CRADD: variants seen among roughly 807,000 people sequenced by gnomAD.
CRADD encodes death domain-containing protein CRADD.
Under a neutral mutation model 15.5 loss-of-function variants are expected in CRADD, and 9 were observed. The ratio of observed to expected loss-of-function variants is 0.58; its 90% confidence interval spans 0.35 to 1.01. CRADD has a LOEUF of 1.01. Ranked by LOEUF, CRADD falls within the 50% of genes least tolerant of loss-of-function variation. The probability of loss-of-function intolerance (pLI) is 0.02; values close to 1 mark genes in which losing one functional copy is unlikely to be tolerated. For missense variants in CRADD, 227 were observed against 250.3 expected (o/e 0.91, Z 0.63); for synonymous variants, 118 against 107.6 (o/e 1.10, Z -0.60).
chr12:93,881,563 A>G (rs1958502695), intron 2 of CRADD, among the ~76,000 whole-genome samples: 1 of 152,208 alleles, frequency 6.6e-6, no homozygotes, highest in Non-Finnish European at 1.5e-5. Context: ...AACGTTTTCA[A>G]AAGAATTGGC....
At chr12:93,858,148 T>C (rs536004119) in intron 2 of CRADD, among the ~76,000 whole-genome samples, 1 of 152,298 alleles carries the variant, frequency 6.6e-6, no homozygotes, top group East Asian at 1.9e-4. Context: ...CAACAGACAC[T>C]TTAAGGCTAT....
At chr12:93,790,944 T>C (rs1469417275) in intron 2 of CRADD, among the ~76,000 whole-genome samples, 1 of 90,212 alleles carries the variant, frequency 1.1e-5, no homozygotes, top group Non-Finnish European at 2.2e-5. Flanking sequence ...CACACACTCT[T>C]GATAGTCCTA....
intron 2 of CRADD, among the ~76,000 whole-genome samples, chr12:93,728,808 T>A (rs1219629356): frequency 6.6e-6 from 1 of 152,210 alleles, no homozygotes; most frequent in Non-Finnish European, 1.5e-5. Flanking sequence ...AATATATCAT[T>A]ACCAAATGGG....
intron 2 of CRADD, among the ~76,000 whole-genome samples, chr12:93,775,023 G>A (rs1270998186): frequency 3.3e-5 from 5 of 152,204 alleles, no homozygotes; most frequent in Admixed American, 6.5e-5. Context: ...TGTTTGTGTA[G>A]TTGGTGCAAA....
At chr12:93,861,477 G>A (rs1958319024) in intron 2 of CRADD, among the ~76,000 whole-genome samples, 1 of 152,216 alleles carries the variant, frequency 6.6e-6, no homozygotes, top group South Asian at 2.1e-4. Context: ...GCCTTTGGCT[G>A]TCAGCCCTCT....
rs772181339 is a variant in CRADD, at chr12:93,850,313, T to G, written c.*42T>G. 6.5e-7 allele frequency: 1 copy of G among 1,541,834 alleles called. No homozygotes were observed. Among genetic ancestry groups the G allele is most frequent in the East Asian group, 2.3e-5 (1 of 43,202 alleles). On this transcript the variant is annotated 3_prime_UTR_variant, in exon 3 of 3. Coordinates refer to ENST00000332896, the MANE Select transcript of CRADD (RefSeq NM_003805.5). This position sits in a 1 kb window ranked among gnomAD's most constrained non-coding sequence, Gnocchi z 4.0. ...CGCTGGGGAGTGTGTCCCTGAGTCA[T>G]GTGGGCTGAATCCTGACTTTCACTC... is the stretch of plus-strand genomic sequence containing the variant.
At chr12:93,801,116 A>G (rs915538540) in intron 2 of CRADD, among the ~76,000 whole-genome samples, 3 of 152,220 alleles carry the variant, frequency 2.0e-5, no homozygotes, top group Non-Finnish European at 2.9e-5. Flanking sequence ...CAGGAGGTAC[A>G]TAAAGCCTGT....
At chr12:93,874,058 T>C (rs1482953932) in intron 2 of CRADD, among the ~76,000 whole-genome samples, 1 of 152,162 alleles carries the variant, frequency 6.6e-6, no homozygotes, top group Non-Finnish European at 1.5e-5. Flanking sequence ...AATTCAGCAG[T>C]GAAGCCATTA....
chr12:93,759,815 A>G (rs2136948767), intron 2 of CRADD, among the ~76,000 whole-genome samples: 1 of 152,360 alleles, frequency 6.6e-6, no homozygotes, highest in South Asian at 2.1e-4. Context: ...ACAGATAGGC[A>G]GAAGTTGCCA....
chr12:93,755,504 G>T (rs1313674507), intron 2 of CRADD, among the ~76,000 whole-genome samples: 1 of 152,166 alleles, frequency 6.6e-6, no homozygotes, highest in Non-Finnish European at 1.5e-5. Context: ...CCAGGTGTTG[G>T]TTGTTTAACA....
intron 2 of CRADD, among the ~76,000 whole-genome samples, chr12:93,814,669 C>A (rs1027158531): frequency 2.6e-5 from 4 of 152,168 alleles, no homozygotes; most frequent in African/African-American, 9.7e-5. Flanking sequence ...GTCACGAGGC[C>A]TGCATTCTCC....
At chr12:93,717,300 A>G (rs1956178871) in intron 2 of CRADD, among the ~76,000 whole-genome samples, 1 of 152,094 alleles carries the variant, frequency 6.6e-6, no homozygotes, top group Non-Finnish European at 1.5e-5. Context: ...TCCTCTGCAA[A>G]TATTTTTTCT....
At chr12:93,737,611 C>A (rs1180073717) in intron 2 of CRADD, 1 of 152,176 alleles carries the variant, frequency 6.6e-6, no homozygotes, top group Non-Finnish European at 1.5e-5. Flanking sequence ...CACCTTTTCT[C>A]CATGGGATTG....
intron 2 of CRADD, among the ~76,000 whole-genome samples, chr12:93,700,233 C>T (rs1287231145): frequency 6.6e-6 from 1 of 152,154 alleles, no homozygotes; most frequent in Non-Finnish European, 1.5e-5. Flanking sequence ...CTGAGTTATG[C>T]ACCTGCCACT....
At chr12:93,825,445 A>G (rs1045080822) in intron 2 of CRADD, among the ~76,000 whole-genome samples, 1 of 152,172 alleles carries the variant, frequency 6.6e-6, no homozygotes, top group South Asian at 2.1e-4. Context: ...CGATGGCTTT[A>G]AGAGTAAAAG....
chr12:93,780,385 C>T (rs1432909609), intron 2 of CRADD, among the ~76,000 whole-genome samples: 8 of 152,132 alleles, frequency 5.3e-5, no homozygotes, highest in African/African-American at 1.7e-4. Flanking sequence ...TACTGGCAGG[C>T]GTGCGCGGTA....
intron 2 of CRADD, among the ~76,000 whole-genome samples, chr12:93,808,230 G>C (rs1184556012): frequency 2.6e-5 from 4 of 152,022 alleles, no homozygotes; most frequent in Non-Finnish European, 5.9e-5. Context: ...CCTGAGACTG[G>C]CTAATTTATA....
intron 2 of CRADD, among the ~76,000 whole-genome samples, chr12:93,732,695 G>A (rs1339973841): frequency 1.3e-5 from 2 of 152,114 alleles, no homozygotes; most frequent in East Asian, 1.9e-4. Context: ...CCACTTAGTC[G>A]TTTTTTGAGC....
chr12:93,744,654 C>T (rs1272986947), intron 2 of CRADD, among the ~76,000 whole-genome samples: 1 of 152,078 alleles, frequency 6.6e-6, no homozygotes, highest in African/African-American at 2.4e-5. Context: ...GTGATGGTAA[C>T]CTCATAAGCA....
Sources: allele counts gnomAD v4.1 joint callset (sites outside exome capture counted in the v4.1 genomes callset), GRCh38; gene constraint gnomAD v4.1.1; non-coding constraint Gnocchi (gnomAD v3.1); transcripts MANE v1.5; gene names NCBI Gene and HGNC (gene_info 2026-07-23, HGNC 2026-07-21).